CDK14: variants seen among roughly 807,000 people sequenced by gnomAD.
CDK14 encodes the protein cyclin dependent kinase 14, also known as cyclin-dependent kinase 14.
CDK14 carries 34 observed loss-of-function variants against 60.7 expected under a neutral mutation model. That is an observed-to-expected ratio of 0.56 (90% CI 0.43 to 0.75). The LOEUF (loss-of-function observed/expected upper bound fraction) is 0.75. CDK14 is among the 30% of genes least tolerant of loss of function. The probability of loss-of-function intolerance (pLI) is 0.00; values close to 1 mark genes in which losing one functional copy is unlikely to be tolerated. For synonymous variants in CDK14, 197 were observed against 203.7 expected, an observed-to-expected ratio of 0.97 and a Z score of 0.28; for missense variants, 482 against 564.1, an observed-to-expected ratio of 0.85 and a Z score of 1.47.
chr7:90,919,814 A>G (rs529266739), intron 8 of CDK14, among the ~76,000 whole-genome samples: 154 of 152,314 alleles, frequency 1.0e-3, no homozygotes, highest in African/African-American at 3.4e-3. Context: ...ATTTTTCACT[A>G]TTATGCTCAG....
At chr7:90,719,033 T>G (rs1802350040) in intron 2 of CDK14, among the ~76,000 whole-genome samples, 1 of 152,144 alleles carries the variant, frequency 6.6e-6, no homozygotes, top group South Asian at 2.1e-4. Context: ...TATAAATGAC[T>G]GATGATTTTT....
chr7:91,197,003 A>C (rs983653818), intron 14 of CDK14, among the ~76,000 whole-genome samples: 1 of 152,296 alleles, frequency 6.6e-6, no homozygotes, highest in African/African-American at 2.4e-5. Context: ...TTTTTATAAT[A>C]AACTTGGAAG....
At chr7:91,056,716 T>C (rs1797578941) in intron 11 of CDK14, among the ~76,000 whole-genome samples, 1 of 152,206 alleles carries the variant, frequency 6.6e-6, no homozygotes, top group African/African-American at 2.4e-5. Flanking sequence ...GCTTCATCCA[T>C]GTCCCTACAA....
chr7:91,073,264 C>A (rs1225817441), intron 11 of CDK14, among the ~76,000 whole-genome samples: 2 of 152,104 alleles, frequency 1.3e-5, no homozygotes, highest in African/African-American at 4.8e-5. Flanking sequence ...AGAGAAAGGC[C>A]AGGTGACCTA....
intron 2 of CDK14, among the ~76,000 whole-genome samples, chr7:90,638,234 T>C (rs1193633067): frequency 1.3e-5 from 2 of 152,232 alleles, no homozygotes; most frequent in East Asian, 1.9e-4. Context: ...CCTGATGGTC[T>C]TTACATTTTG....
intron 9 of CDK14, among the ~76,000 whole-genome samples, chr7:90,963,702 TTTTC>T (rs1318596472): frequency 2.6e-5 from 3 of 114,334 alleles, no homozygotes; most frequent in Non-Finnish European, 5.9e-5. Context: ...TCTTTTTTCT[TTTTC>T]TTTTCTTTTT....
chr7:91,163,544 A>G (rs775646878), intron 14 of CDK14, among the ~76,000 whole-genome samples: 1 of 152,218 alleles, frequency 6.6e-6, no homozygotes, highest in Non-Finnish European at 1.5e-5. Context: ...ATACATGCAT[A>G]CAATGTGGAA....
At chr7:91,190,935 G>A (rs542797167) in intron 14 of CDK14, among the ~76,000 whole-genome samples, 3 of 152,278 alleles carry the variant, frequency 2.0e-5, no homozygotes, top group East Asian at 3.9e-4. Context: ...AAGTGAGGGA[G>A]GGATGGCATC....
intron 2 of CDK14, among the ~76,000 whole-genome samples, chr7:90,725,207 A>G (rs1001902268): frequency 1.3e-5 from 2 of 152,306 alleles, no homozygotes; most frequent in African/African-American, 4.8e-5. Flanking sequence ...AATATTTATT[A>G]TAAAATTCAC....
chr7:91,140,992 G>A (rs1800439707), intron 14 of CDK14, among the ~76,000 whole-genome samples: 1 of 152,118 alleles, frequency 6.6e-6, no homozygotes, highest in South Asian at 2.1e-4. Flanking sequence ...ATGACAGAAG[G>A]AAGAGCAAAC....
chr7:90,909,674 AAG>A (rs1458312933), intron 7 of CDK14, among the ~76,000 whole-genome samples: 2 of 152,174 alleles, frequency 1.3e-5, no homozygotes, highest in East Asian at 1.9e-4. Flanking sequence ...TTGAAGTAGA[AAG>A]AGAGTGTGGA....
intron 10 of CDK14, among the ~76,000 whole-genome samples, chr7:91,040,719 T>C (rs1423625746): frequency 6.6e-6 from 1 of 152,184 alleles, no homozygotes; most frequent in Non-Finnish European, 1.5e-5. Flanking sequence ...GTAGTCTTTG[T>C]TAGAGACCTC....
intron 10 of CDK14, among the ~76,000 whole-genome samples, chr7:91,043,034 A>T (rs1332460213): frequency 6.6e-6 from 1 of 152,190 alleles, no homozygotes; most frequent in Admixed American, 6.5e-5. Flanking sequence ...TAAATGGTTC[A>T]GGGTTGTAAG....
chr7:90,792,774 T>C (rs1282820210), intron 5 of CDK14, among the ~76,000 whole-genome samples: 2 of 152,232 alleles, frequency 1.3e-5, no homozygotes, highest in Non-Finnish European at 2.9e-5. Flanking sequence ...AGCCGTATAA[T>C]ATTTTTGAAA....
At chr7:90,773,928 G>A (rs1369059782) in intron 4 of CDK14, among the ~76,000 whole-genome samples, 4 of 114,254 alleles carry the variant, frequency 3.5e-5, no homozygotes, top group Non-Finnish European at 6.7e-5. Flanking sequence ...TTTTGAGATG[G>A]AGTCTTGCTC....
intron 14 of CDK14, among the ~76,000 whole-genome samples, chr7:91,129,489 A>C (rs915707879): frequency 6.6e-6 from 1 of 152,162 alleles, no homozygotes; most frequent in African/African-American, 2.4e-5. Flanking sequence ...CTGGATACCT[A>C]GTTACCATGG....
intron 10 of CDK14, among the ~76,000 whole-genome samples, chr7:91,022,442 A>G (rs535231711): frequency 5.8e-4 from 88 of 152,332 alleles, no homozygotes; most frequent in African/African-American, 2.0e-3. Flanking sequence ...GAAATTGTCA[A>G]ATATCTTCAG....
At chr7:91,032,078 T>C (rs1419857629) in intron 10 of CDK14, among the ~76,000 whole-genome samples, 1 of 152,180 alleles carries the variant, frequency 6.6e-6, no homozygotes, top group Non-Finnish European at 1.5e-5. Context: ...GGGTCATACA[T>C]CCAGGTTGCA....
intron 6 of CDK14, among the ~76,000 whole-genome samples, chr7:90,872,748 A>G (rs73403530): frequency 0.022 from 3,354 of 152,202 alleles, 114 homozygotes; most frequent in African/African-American, 0.076. Flanking sequence ...ATGATTTGGT[A>G]TTTAATTCAC....
Sources: gnomAD v4.1 joint callset for allele counts (sites outside exome capture counted in the v4.1 genomes callset) on GRCh38, gnomAD v4.1.1 for gene constraint, MANE v1.5 for transcripts, NCBI Gene and HGNC (gene_info 2026-07-23, HGNC 2026-07-21) for gene names.